Variants in C11orf54 observed in about 807,000 individuals in gnomAD.
The protein encoded by C11orf54 is beta-keto-L-gulonate decarboxylase, also known as beta-keto L-gulonate decarboxylase.
C11orf54 carries 29 observed loss-of-function variants against 35.5 expected under a neutral mutation model. The observed-to-expected ratio is 0.82, with a 90% CI of 0.61 to 1.11. The LOEUF (loss-of-function observed/expected upper bound fraction) is 1.11, where lower values mean the gene tolerates loss of function less well. Among genes scored for constraint, C11orf54 ranks in the 50% most tolerant of loss-of-function variants. The pLI is 0.00. For synonymous variants in C11orf54, 108 were observed against 121.1 expected (o/e 0.89, Z 0.71); for missense variants, 373 against 369.2 (o/e 1.01, Z -0.08).
Position 93,759,780 on chromosome 11 carries a change from A to T in C11orf54, c.696A>T (p.Glu232Asp). 1 of 1,609,468 alleles carries T rather than the reference A, an allele frequency of 6.2e-7. No individual in the cohort carries two copies. Among genetic ancestry groups the T allele is most frequent in the Admixed American group, 1.7e-5 (1 of 59,958 alleles). ...EFSSCPLNSDEEVNKWLHFYE... is the reference protein window; with the variant it reads ...EFSSCPLNSDDEVNKWLHFYE... ...CTTCCTGCCCCTTGAACTCTGATGAAGAAGTGAATAAATGGTTGCATTTTT... is the reference window on the plus strand; with the variant it reads ...CTTCCTGCCCCTTGAACTCTGATGATGAAGTGAATAAATGGTTGCATTTTT... The change falls in exon 8 of 9, where the codon GAA (glutamate) becomes GAT (aspartate). Residue 232 changes from glutamate to aspartate, a missense_variant. Physicochemically the swap from Glu to Asp is conservative, Grantham distance 45 (BLOSUM62 2). Transcript: ENST00000354421.
At chr11:93,748,663 CCAT>C (rs1192321626) in intron 2 of C11orf54, among the ~76,000 whole-genome samples, 3 of 151,524 alleles carry the variant, frequency 2.0e-5, no homozygotes, top group African/African-American at 7.3e-5. Context: ...TGGCAAAACC[CCAT>C]CTCTACTAAA....
Position 93,761,459 on chromosome 11 carries a change from C to T in C11orf54, c.775-56C>T. Reference sequence around the variant, plus strand: ...TGCAACGTAAAAAGTTATCCCTCCCCCTTAAACTCTAATCAATAATTTGAG... The same window carrying T: ...TGCAACGTAAAAAGTTATCCCTCCCTCTTAAACTCTAATCAATAATTTGAG... On this transcript the variant is annotated intron_variant, in intron 8 of 8. Coordinates refer to ENST00000354421, the MANE Select transcript of C11orf54 (RefSeq NM_001286069.2). 2.0e-6 allele frequency: 3 copies of T among 1,465,330 alleles called. No individual in the cohort carries two copies. In the South Asian group the frequency reaches 4.1e-5, roughly 20 times the overall value. 90.8% of individuals were successfully genotyped at this position (1,465,330 alleles called of 1,614,324 possible).
chr11:93,758,581 G>T (rs1256201508), intron 7 of C11orf54, among the ~76,000 whole-genome samples: 1 of 152,220 alleles, frequency 6.6e-6, no homozygotes, highest in Non-Finnish European at 1.5e-5. Context: ...CGCCTGCTCC[G>T]ATCCAGGAGC....
rs1306076587 is a variant in C11orf54, at chr11:93,762,733, A to G, written c.*1045A>G. On this transcript the variant is annotated 3_prime_UTR_variant, in exon 9 of 9. Transcript: ENST00000354421. Reference sequence around the variant, plus strand: ...TATTTCACTGGTTATTTGCAAGAGAAGGGGTAAAAAAACAGCATCAGAGTG... The same window carrying G: ...TATTTCACTGGTTATTTGCAAGAGAGGGGGTAAAAAAACAGCATCAGAGTG... The G allele has an allele frequency of 6.6e-6, 1 of 151,426 alleles. No individual in the cohort carries two copies. The highest frequency in any genetic ancestry group is 2.5e-5 in the African/African-American group (1 of 40,648). 9.4% of individuals were successfully genotyped at this position (151,426 alleles called of 1,614,324 possible). A position where few individuals can be genotyped will look rare whatever the true frequency, so the allele number is the denominator to read the frequency against.
At position 93,747,307 on chromosome 11, in the gene C11orf54, G is replaced by A; in HGVS notation, c.-87G>A. Reference sequence around the variant, plus strand: ...AATGTTCATTTCCAGAACAGAAACTGTTCATACTTGGTGCGCTGTGGACTC... The same window carrying A: ...AATGTTCATTTCCAGAACAGAAACTATTCATACTTGGTGCGCTGTGGACTC... On this transcript the variant is annotated 5_prime_UTR_variant, in exon 2 of 9. Transcript: ENST00000354421. 2.0e-6 allele frequency: 2 copies of A among 1,004,124 alleles called. No homozygotes were observed. The highest frequency in any genetic ancestry group is 1.7e-5 in the South Asian group (1 of 58,430). The allele number at this position is 1,004,124 out of a possible 1,614,324, so 62.2% of individuals were successfully genotyped here. A position where few individuals can be genotyped will look rare whatever the true frequency, so the allele number is the denominator to read the frequency against.
rs1487876947 is a variant in C11orf54, at chr11:93,755,262, G to A, written c.383G>A (p.Ser128Asn). ...ESEHKPPVNG[S>N]YFAHVNPADG... Reference sequence around the variant, plus strand: ...GAACACAAGCCTCCTGTAAATGGAAGTTACTTTGCCCATGTGAACCCTGCA... The same window carrying A: ...GAACACAAGCCTCCTGTAAATGGAAATTACTTTGCCCATGTGAACCCTGCA... Residue 128 changes from serine (S) to asparagine (N), a missense_variant, in exon 6 of 9, where the codon AGT (serine) becomes AAT (asparagine). Coordinates refer to ENST00000354421, the MANE Select transcript of C11orf54 (RefSeq NM_001286069.2). The A allele has an allele frequency of 1.2e-6, 2 of 1,614,120 alleles. No homozygotes were observed. The highest frequency in any genetic ancestry group is 2.2e-5 in the South Asian group (2 of 91,080).
intron 7 of C11orf54, among the ~76,000 whole-genome samples, chr11:93,759,485 G>A (rs780005194): frequency 2.6e-5 from 4 of 152,020 alleles, no homozygotes; most frequent in East Asian, 1.9e-4. Flanking sequence ...ATCACACACC[G>A]GGGCCTTTCG....
intron 2 of C11orf54, among the ~76,000 whole-genome samples, chr11:93,748,439 T>C (rs1053588981): frequency 3.3e-5 from 5 of 152,136 alleles, no homozygotes; most frequent in African/African-American, 7.2e-5. Flanking sequence ...TGAGCCACCA[T>C]GCTTGGCCAG....
chr11:93,750,251 G>A (rs1942742408), intron 2 of C11orf54, 95 bp from the exon 3 acceptor site: 7 of 830,720 alleles, frequency 8.4e-6, no homozygotes, highest in Non-Finnish European at 1.2e-5. Flanking sequence ...TACAAGTTGA[G>A]ATTGGGAGTG....
intron 5 of C11orf54, 155 bp from the exon 6 acceptor site, chr11:93,755,055 T>C: frequency 1.2e-6 from 1 of 864,400 alleles, no homozygotes; most frequent in East Asian, 2.9e-5. Flanking sequence ...TTTTCCAAGT[T>C]TTTTATGTCT....
chr11:93,755,820 A>T (rs1022362282), intron 6 of C11orf54, among the ~76,000 whole-genome samples: 16 of 152,024 alleles, frequency 1.1e-4, no homozygotes, highest in African/African-American at 3.9e-4. Context: ...CAGTAATGAA[A>T]GGTTCAGAGA....
rs1258862263 is a variant in C11orf54, at chr11:93,764,087, T to TA, written c.*2400dup. ...CCTCGGCCTCCCAAAGTGCTGGGAT[T>TA]ACAGGCATGGGCCACCATGTCTGGC... On this transcript the variant is annotated 3_prime_UTR_variant, in exon 9 of 9. Coordinates refer to ENST00000354421, the MANE Select transcript of C11orf54 (RefSeq NM_001286069.2). 6.6e-6 allele frequency: 1 copy of TA among 152,360 alleles called. No individual in the cohort carries two copies. Among genetic ancestry groups the TA allele is most frequent in the African/African-American group, 2.4e-5 (1 of 41,434 alleles). 9.4% of individuals were successfully genotyped at this position (152,360 alleles called of 1,614,324 possible).
chr11:93,744,417 A>G (rs1041073072), intron 1 of C11orf54, among the ~76,000 whole-genome samples: 5 of 152,258 alleles, frequency 3.3e-5, no homozygotes, highest in Non-Finnish European at 4.4e-5. Context: ...TTTGGATTTT[A>G]ACTTGTGTTC....
intron 2 of C11orf54, among the ~76,000 whole-genome samples, chr11:93,747,746 A>G (rs913218111): frequency 1.3e-5 from 2 of 152,216 alleles, no homozygotes; most frequent in African/African-American, 4.8e-5. Context: ...TAGTAATCCA[A>G]GACTTAAGCA....
chr11:93,751,560 A>G (rs1176345498), intron 3 of C11orf54, among the ~76,000 whole-genome samples: 2 of 151,684 alleles, frequency 1.3e-5, no homozygotes, highest in East Asian at 3.9e-4. Flanking sequence ...ATGTGCCACC[A>G]CGCCTGGCTA....
At chr11:93,743,895 C>G (rs935454695) in intron 1 of C11orf54, among the ~76,000 whole-genome samples, 1 of 152,116 alleles carries the variant, frequency 6.6e-6, no homozygotes, top group African/African-American at 2.4e-5. Flanking sequence ...TGTTTGCCTC[C>G]ATCTGGCCCA....
chr11:93,753,803 G>T, intron 4 of C11orf54, 48 bp downstream of exon 4: 1 of 1,588,334 alleles, frequency 6.3e-7, no homozygotes, highest in Non-Finnish European at 8.6e-7. Context: ...TAGAAGTTGG[G>T]TTGATTACTG....
chr11:93,759,707 A>G, intron 7 of C11orf54, 35 bp from the exon 8 acceptor site: 1 of 1,074,904 alleles, frequency 9.3e-7, no homozygotes, highest in Non-Finnish European at 1.3e-6. Flanking sequence ...AGTAATATTC[A>G]GTATGTTTAC....
Position 93,763,534 on chromosome 11 carries a change from CAGG to C in C11orf54, c.*1849_*1851del, listed in dbSNP as rs1267519544. The C allele has an allele frequency of 6.6e-6, 1 of 152,122 alleles. No individual in the cohort carries two copies. The highest frequency in any genetic ancestry group is 1.5e-5 in the Non-Finnish European group (1 of 68,120). 9.4% of individuals were successfully genotyped at this position (152,122 alleles called of 1,614,324 possible). A position where few individuals can be genotyped will look rare whatever the true frequency, so the allele number is the denominator to read the frequency against. ...CCAAGGCAGGAGGATCACTTGAGGC[CAGG>C]AGTTCAAGGCCAGCCTGGGCAACAG... On this transcript the variant is annotated 3_prime_UTR_variant, in exon 9 of 9. Coordinates refer to ENST00000354421, the MANE Select transcript of C11orf54 (RefSeq NM_001286069.2).
Sources: allele counts gnomAD v4.1 joint callset (sites outside exome capture counted in the v4.1 genomes callset), GRCh38; gene constraint gnomAD v4.1.1; transcripts MANE v1.5; gene names NCBI Gene and HGNC (gene_info 2026-07-23, HGNC 2026-07-21).